The following GLCE variants were observed in gnomAD, a reference collection of about 807,000 sequenced individuals.
GLCE encodes the protein glucuronic acid epimerase, also known as D-glucuronyl C5-epimerase.
A neutral mutation model predicts 47.9 loss-of-function variants in GLCE; 19 were observed. The observed-to-expected ratio is 0.40, with a 90% CI of 0.28 to 0.58. GLCE has a LOEUF of 0.58. Ranked by LOEUF, GLCE falls within the 20% of genes least tolerant of loss-of-function variation. GLCE has a pLI of 0.48. For missense variants in GLCE, 556 were observed against 743.3 expected (o/e 0.75, Z 2.93); for synonymous variants, 245 against 263.4 (o/e 0.93, Z 0.68).
intron 2 of GLCE, among the ~76,000 whole-genome samples, chr15:69,246,731 A>T (rs916379179): frequency 9.2e-5 from 14 of 152,084 alleles, no homozygotes; most frequent in African/African-American, 3.1e-4. Context: ...AAAAAAAAAA[A>T]AAAGACATGA....
chr15:69,267,048 GTTGTTCTTA>G (rs1381610302), intron 4 of GLCE, among the ~76,000 whole-genome samples: 2 of 82,880 alleles, frequency 2.4e-5, no homozygotes, highest in African/African-American at 1.1e-4. Flanking sequence ...GTATATTTTT[GTTGTTCTTA>G]TTCTTGCTGC....
chr15:69,227,636 A>G (rs1361880481), intron 2 of GLCE, among the ~76,000 whole-genome samples: 2 of 152,232 alleles, frequency 1.3e-5, no homozygotes, highest in Non-Finnish European at 2.9e-5. Context: ...TTTAAAAAAC[A>G]GTCTTTGTGT....
chr15:69,180,045 G>C (rs2051729633), intron 1 of GLCE, among the ~76,000 whole-genome samples: 1 of 152,142 alleles, frequency 6.6e-6, no homozygotes, highest in African/African-American at 2.4e-5. Flanking sequence ...AGAGTTATGA[G>C]TGATCAAATA....
intron 1 of GLCE, among the ~76,000 whole-genome samples, chr15:69,178,713 A>G (rs2051708463): frequency 6.6e-6 from 1 of 152,194 alleles, no homozygotes; most frequent in Non-Finnish European, 1.5e-5. Flanking sequence ...TACTGTAGGC[A>G]GGAACACAAA....
At chr15:69,260,218 T>C (rs1300151216) in intron 3 of GLCE, among the ~76,000 whole-genome samples, 3 of 151,630 alleles carry the variant, frequency 2.0e-5, no homozygotes, top group Admixed American at 6.6e-5. Context: ...AATTTCAAGC[T>C]GTGTTTATAT....
chr15:69,178,085 T>C (rs900150255), intron 1 of GLCE, among the ~76,000 whole-genome samples: 5 of 152,202 alleles, frequency 3.3e-5, no homozygotes, highest in Non-Finnish European at 5.9e-5. Flanking sequence ...TATATGGACA[T>C]ATATTTTCAT....
At chr15:69,183,119 A>G (rs760017539) in intron 1 of GLCE, among the ~76,000 whole-genome samples, 5 of 152,208 alleles carry the variant, frequency 3.3e-5, no homozygotes, top group Non-Finnish European at 5.9e-5. Context: ...GATCAGTGGA[A>G]GATCCTAGAT....
chr15:69,231,889 T>G (rs7164293), intron 2 of GLCE, among the ~76,000 whole-genome samples: 44 of 152,082 alleles, frequency 2.9e-4, no homozygotes, highest in African/African-American at 9.6e-4. Flanking sequence ...GCCTCTTGGG[T>G]TCAAGCAATT....
At chr15:69,173,850 A>G (rs2051622478) in intron 1 of GLCE, among the ~76,000 whole-genome samples, 2 of 152,148 alleles carry the variant, frequency 1.3e-5, no homozygotes, top group African/African-American at 4.8e-5. Context: ...AGTATGAAAT[A>G]ATTTAACTAG....
At chr15:69,181,125 T>C (rs1326499892) in intron 1 of GLCE, among the ~76,000 whole-genome samples, 1 of 152,138 alleles carries the variant, frequency 6.6e-6, no homozygotes, top group Non-Finnish European at 1.5e-5. Context: ...GAAGGCTAGT[T>C]ACCCATTTGC....
intron 2 of GLCE, among the ~76,000 whole-genome samples, chr15:69,223,686 C>CA (rs915093132): frequency 1.3e-5 from 2 of 152,090 alleles, no homozygotes; most frequent in African/African-American, 2.4e-5. Context: ...CTCCTCCTTT[C>CA]AAAACTCCCA....
At chr15:69,181,810 T>C (rs1048498616) in intron 1 of GLCE, among the ~76,000 whole-genome samples, 10 of 152,038 alleles carry the variant, frequency 6.6e-5, no homozygotes, top group African/African-American at 2.4e-4. Flanking sequence ...TTTTGTTTTT[T>C]GTTTTTGTTT....
intron 2 of GLCE, among the ~76,000 whole-genome samples, chr15:69,238,458 A>G (rs2052621312): frequency 6.6e-6 from 1 of 152,234 alleles, no homozygotes; most frequent in Admixed American, 6.5e-5. Context: ...GTTTGATTTC[A>G]ATAACCGAAA....
At chr15:69,195,824 T>G (rs1054059110) in intron 1 of GLCE, among the ~76,000 whole-genome samples, 1 of 152,168 alleles carries the variant, frequency 6.6e-6, no homozygotes, top group Admixed American at 6.6e-5. Flanking sequence ...GAGAATTCCC[T>G]TGGTTGGTTC....
intron 1 of GLCE, among the ~76,000 whole-genome samples, chr15:69,188,819 A>G (rs2051870854): frequency 6.6e-6 from 1 of 152,136 alleles, no homozygotes; most frequent in Admixed American, 6.5e-5. Context: ...CTAGTGATTT[A>G]TTAATTTTAT....
At chr15:69,237,777 T>C (rs2140414177) in intron 2 of GLCE, among the ~76,000 whole-genome samples, 1 of 152,328 alleles carries the variant, frequency 6.6e-6, no homozygotes, top group African/African-American at 2.4e-5. Context: ...AGATGTTTCA[T>C]AAAAACTTAT....
chr15:69,249,561 T>G (rs548392342), intron 2 of GLCE, among the ~76,000 whole-genome samples: 2 of 152,110 alleles, frequency 1.3e-5, no homozygotes, highest in African/African-American at 4.8e-5. Flanking sequence ...CAAGGAATTA[T>G]AGGAAACATA....
At chr15:69,263,093 G>A (rs891903248) in intron 4 of GLCE, among the ~76,000 whole-genome samples, 3 of 152,098 alleles carry the variant, frequency 2.0e-5, no homozygotes, top group South Asian at 2.1e-4. Context: ...CATCATGTTA[G>A]CACTCAAAAA....
chr15:69,163,390 A>C (rs964658354), intron 1 of GLCE, among the ~76,000 whole-genome samples: 6 of 152,228 alleles, frequency 3.9e-5, no homozygotes, highest in African/African-American at 1.4e-4. Flanking sequence ...AATACAGTTA[A>C]AAATTGTGAT....
Sources: gnomAD v4.1 joint callset for allele counts (sites outside exome capture counted in the v4.1 genomes callset) on GRCh38, gnomAD v4.1.1 for gene constraint, MANE v1.5 for transcripts, NCBI Gene and HGNC (gene_info 2026-07-23, HGNC 2026-07-21) for gene names.